ADK: variants seen among roughly 807,000 people sequenced by gnomAD.
ADK encodes N6,N6-dimethyladenosine kinase.
In ADK, 24 loss-of-function variants were observed where a neutral mutation model predicts 44.7. The observed-to-expected ratio is 0.54, with a 90% CI of 0.39 to 0.76. ADK has a LOEUF of 0.76. Ranked by LOEUF, ADK falls within the 30% of genes least tolerant of loss-of-function variation. The pLI, the probability that ADK is intolerant of heterozygous loss-of-function variation, is 0.00. For synonymous variants in ADK, 128 were observed against 142.6 expected, an observed-to-expected ratio of 0.90 and a Z score of 0.73; for missense variants, 321 against 425.1, an observed-to-expected ratio of 0.76 and a Z score of 2.15.
chr10:74,611,127 G>A (rs780596790), intron 9 of ADK, among the ~76,000 whole-genome samples: 4 of 151,990 alleles, frequency 2.6e-5, no homozygotes, highest in African/African-American at 7.2e-5. Flanking sequence ...GGGCTCAAGC[G>A]ATCCTCCCTT....
intron 7 of ADK, among the ~76,000 whole-genome samples, chr10:74,567,971 T>A (rs968945944): frequency 2.0e-5 from 3 of 152,214 alleles, no homozygotes; most frequent in Admixed American, 6.5e-5. Flanking sequence ...AGTGCTGGGA[T>A]TACAGGCCTG....
intron 4 of ADK, chr10:74,371,395 C>T: frequency 1.7e-6 from 1 of 590,204 alleles, no homozygotes; most frequent in Non-Finnish European, 3.0e-6. Context: ...ATAACATGAT[C>T]TTATATACCA....
chr10:74,256,441 C>A (rs541152277), intron 3 of ADK, among the ~76,000 whole-genome samples: 25 of 152,084 alleles, frequency 1.6e-4, no homozygotes, highest in Non-Finnish European at 3.1e-4. Context: ...CATTATGTAA[C>A]CTATCTTCAT....
chr10:74,183,858 C>T (rs1252595355), intron 1 of ADK, among the ~76,000 whole-genome samples: 1 of 151,944 alleles, frequency 6.6e-6, no homozygotes, highest in Non-Finnish European at 1.5e-5. Flanking sequence ...CATAAATAAA[C>T]ATTTTTATTT....
In ADK at chr10:74,335,645, C is replaced by T. The variant is rs1373239767; in HGVS notation, c.273+20900C>T. ...TTTCCAAAGTGGCTGTGCCATTTCA[C>T]ATTCCCACTAGTAATATATGAGAGG... On this transcript the variant is annotated intron_variant, in intron 4 of 10. Transcript: ENST00000539909. Among the ~76,000 whole-genome samples, 3 of 152,266 alleles carry T rather than the reference C, an allele frequency of 2.0e-5. No individual in the cohort carries two copies. In the South Asian group the frequency reaches 6.2e-4, roughly 32 times the overall value.
intron 3 of ADK, among the ~76,000 whole-genome samples, chr10:74,231,963 CT>C (rs546257872): frequency 3.0e-4 from 43 of 145,150 alleles, no homozygotes; most frequent in Middle Eastern, 3.6e-3. Flanking sequence ...TTTTGTTTGT[CT>C]TTTTTTTTTT....
At chr10:74,422,389 T>G (rs1844589337) in intron 6 of ADK, among the ~76,000 whole-genome samples, 1 of 152,228 alleles carries the variant, frequency 6.6e-6, no homozygotes, top group South Asian at 2.1e-4. Flanking sequence ...AACTAAATGT[T>G]ACATAGTTTC....
rs550226138 is a variant in ADK at position 74,555,732 on chromosome 10, G to A, written c.726+30306G>A. On this transcript the variant is annotated intron_variant, in intron 7 of 10. Transcript: ENST00000539909. ...GACTGATCTAAAAGTAATCAAGGATGATCATGTCTTGGGAGTATCCTGTTT... is the reference window on the plus strand; with the variant it reads ...GACTGATCTAAAAGTAATCAAGGATAATCATGTCTTGGGAGTATCCTGTTT... 1.6e-4 allele frequency among the ~76,000 whole-genome samples: 24 copies of A among 152,254 alleles called. No homozygotes were observed. In the South Asian group the frequency reaches 4.6e-3, roughly 29 times the overall value.
chr10:74,395,051 C>T (rs1843460185), intron 5 of ADK, among the ~76,000 whole-genome samples: 1 of 152,110 alleles, frequency 6.6e-6, no homozygotes, highest in South Asian at 2.1e-4. Context: ...CTTTTTTCCC[C>T]TTTGCAAGGG....
At chr10:74,215,812 C>G (rs913938440) in intron 2 of ADK, among the ~76,000 whole-genome samples, 3 of 128,672 alleles carry the variant, frequency 2.3e-5, no homozygotes, top group Non-Finnish European at 5.0e-5. Flanking sequence ...ACTACAATGC[C>G]TGGCTAATTT....
rs908577734 is a variant in ADK at position 74,708,597 on chromosome 10, T to G, written c.*152T>G. The G allele has an allele frequency of 9.8e-6, 8 of 819,312 alleles. No individual in the cohort carries two copies. The African/African-American group carries it at 1.2e-4, about 12-fold the overall frequency. The allele number at this position is 819,312 out of a possible 1,614,324, so 50.8% of individuals were successfully genotyped here. A position where few individuals can be genotyped will look rare whatever the true frequency, so the allele number is the denominator to read the frequency against. ...TTTAGAGGGTACAAGGGTATGGTAA[T>G]GCTTGTAGAATCTTTATTATCTCAA... On this transcript the variant is annotated 3_prime_UTR_variant, in exon 11 of 11. Coordinates refer to ENST00000539909, the MANE Select transcript of ADK (RefSeq NM_006721.4).
chr10:74,541,779 C>T (rs909955348), intron 7 of ADK, among the ~76,000 whole-genome samples: 4 of 111,332 alleles, frequency 3.6e-5, no homozygotes, highest in Non-Finnish European at 5.6e-5. Flanking sequence ...GGTTACAGAA[C>T]GAGAACCCCC....
chr10:74,320,832 T>C (rs1259459620), intron 4 of ADK, among the ~76,000 whole-genome samples: 1 of 152,240 alleles, frequency 6.6e-6, no homozygotes, highest in African/African-American at 2.4e-5. Flanking sequence ...ACATGCTTTC[T>C]TCACTTCTTA....
chr10:74,465,370 G>A (rs987874157), intron 6 of ADK, among the ~76,000 whole-genome samples: 16 of 152,120 alleles, frequency 1.1e-4, no homozygotes, highest in African/African-American at 3.6e-4. Flanking sequence ...AAAGAGTCTA[G>A]GGGCATATTA....
intron 7 of ADK, among the ~76,000 whole-genome samples, chr10:74,539,499 A>G (rs1280746836): frequency 6.6e-6 from 1 of 152,182 alleles, no homozygotes; most frequent in Non-Finnish European, 1.5e-5. Context: ...TCTGCCCTTT[A>G]AAGTATACAG....
At chr10:74,510,513 T>C (rs1348742294) in intron 6 of ADK, among the ~76,000 whole-genome samples, 3 of 152,222 alleles carry the variant, frequency 2.0e-5, no homozygotes, top group Non-Finnish European at 4.4e-5. Flanking sequence ...CTGTAGGTTG[T>C]CTTTTCACTC....
chr10:74,697,008 C>T (rs1337562809), intron 10 of ADK, among the ~76,000 whole-genome samples: 1 of 152,080 alleles, frequency 6.6e-6, no homozygotes, highest in Admixed American at 6.5e-5. Flanking sequence ...GAACAATGTA[C>T]TACCTAGATG....
At chr10:74,294,329 C>T (rs942015707) in intron 3 of ADK, among the ~76,000 whole-genome samples, 2 of 151,858 alleles carry the variant, frequency 1.3e-5, no homozygotes, top group Admixed American at 6.6e-5. Context: ...TCTTGTTGCC[C>T]AGGCTGGAGT....
intron 1 of ADK, among the ~76,000 whole-genome samples, chr10:74,191,564 A>C (rs1430476889): frequency 6.6e-6 from 1 of 152,102 alleles, no homozygotes; most frequent in Non-Finnish European, 1.5e-5. Context: ...AACATTTTTA[A>C]TATATCTGTT....
Sources: allele counts gnomAD v4.1 joint callset (sites outside exome capture counted in the v4.1 genomes callset), GRCh38; gene constraint gnomAD v4.1.1; transcripts MANE v1.5; gene names NCBI Gene and HGNC (gene_info 2026-07-23, HGNC 2026-07-21).